The following ART1 variants were observed in gnomAD, a reference collection of about 807,000 sequenced individuals.
ART1 encodes ADP-ribosyltransferase 1.
A neutral mutation model predicts 27.0 loss-of-function variants in ART1; 29 were observed. That is an observed-to-expected ratio of 1.08 (90% confidence interval 0.80 to 1.47). ART1 has a LOEUF of 1.47. ART1 is among the 40% of genes most tolerant of loss of function. The probability of loss-of-function intolerance (pLI) is 0.00; values close to 1 mark genes in which losing one functional copy is unlikely to be tolerated. For missense variants in ART1, 480 were observed against 423.0 expected, an observed-to-expected ratio of 1.13 and a Z score of -1.18; for synonymous variants, 201 against 172.2, an observed-to-expected ratio of 1.17 and a Z score of -1.31.
At chr11:3,658,354 GAGAA>G (rs1214206082) in intron 1 of ART1, among the ~76,000 whole-genome samples, 1 of 150,620 alleles carries the variant, frequency 6.6e-6, no homozygotes, top group Non-Finnish European at 1.5e-5. Context: ...AAAAAAGAGA[GAGAA>G]AGAAAAAAAA....
chr11:3,648,787 GT>G (rs1228736736), intron 1 of ART1, among the ~76,000 whole-genome samples: 2 of 152,226 alleles, frequency 1.3e-5, no homozygotes, highest in South Asian at 2.1e-4. Flanking sequence ...TGGAGGAGGG[GT>G]AAGTACCCCA....
In ART1 at chr11:3,664,174, T is replaced by C. The variant is rs2077643744; in HGVS notation, c.969T>C (p.Gly323=). 1.9e-6 allele frequency: 3 copies of C among 1,613,894 alleles called. No individual in the cohort carries two copies. Among genetic ancestry groups the C allele is most frequent in the East Asian group, 2.2e-5 (1 of 44,870 alleles). The change falls in exon 5 of 5, where the codon GGT becomes GGC. Residue 323 remains glycine, a synonymous_variant. Coordinates refer to ENST00000250693, the MANE Select transcript of ART1 (RefSeq NM_004314.3). ...WFLVVRAFPD[G]PGLL ...TCGTGGTGAGGGCCTTTCCAGATGGTCCAGGCCTCCTTTGATGCATGAGAC... is the reference window on the plus strand; with the variant it reads ...TCGTGGTGAGGGCCTTTCCAGATGGCCCAGGCCTCCTTTGATGCATGAGAC...
rs2077606402 is a variant in ART1, at chr11:3,660,009, C to T, written c.490C>T (p.Leu164Phe). 6.2e-7 allele frequency: 1 copy of T among 1,613,996 alleles called. No individual in the cohort carries two copies. Among genetic ancestry groups the T allele is most frequent in the Admixed American group, 1.7e-5 (1 of 60,032 alleles). The change falls in exon 3 of 5, where the codon CTC becomes TTC. Residue 164 changes from leucine (L) to phenylalanine (F), a missense_variant. Leu to Phe is a conservative substitution (Grantham distance 22, BLOSUM62 0). Coordinates refer to ENST00000250693, the MANE Select transcript of ART1 (RefSeq NM_004314.3). ...TTTCCTGCTGACTGAGGCCCTGCAGCTCCTGGGCAGCGGCCAGCGTCCACC... is the reference window on the plus strand; with the variant it reads ...TTTCCTGCTGACTGAGGCCCTGCAGTTCCTGGGCAGCGGCCAGCGTCCACC... ...LHFLLTEALQLLGSGQRPPRC... is the reference protein window; with the variant it reads ...LHFLLTEALQFLGSGQRPPRC...
At chr11:3,656,490 C>T (rs2077576147) in intron 1 of ART1, among the ~76,000 whole-genome samples, 2 of 152,116 alleles carry the variant, frequency 1.3e-5, no homozygotes, top group African/African-American at 2.4e-5. Context: ...TCAAGCTATT[C>T]TCCTGCCTCA....
At position 3,653,082 on chromosome 11, in the gene ART1, C is replaced by T. The variant is rs1240955304; in HGVS notation, c.-52-6080C>T. 1.3e-5 allele frequency among the ~76,000 whole-genome samples: 2 copies of T among 148,450 alleles called. 1 individual carries two copies. Among genetic ancestry groups the T allele is most frequent in the African/African-American group, 5.2e-5 (2 of 38,448 alleles). ...TCTTCGTTCAGCTTAATCTCTCCCA[C>T]TCGAGGTTCCCACGCTGCCCCTAAT... On this transcript the variant is annotated intron_variant, in intron 1 of 4. Coordinates refer to ENST00000250693, the MANE Select transcript of ART1 (RefSeq NM_004314.3).
chr11:3,650,393 G>C (rs182754242), intron 1 of ART1, among the ~76,000 whole-genome samples: 2 of 152,190 alleles, frequency 1.3e-5, no homozygotes, highest in African/African-American at 4.8e-5. Flanking sequence ...AGATCTTCTC[G>C]GCTTAGCAGC....
chr11:3,658,525 C>T (rs1291411755), intron 1 of ART1, among the ~76,000 whole-genome samples: 2 of 152,120 alleles, frequency 1.3e-5, no homozygotes, highest in Non-Finnish European at 2.9e-5. Flanking sequence ...TTCTCCTGCT[C>T]TTCTGATCCC....
chr11:3,659,883 A>G lies in ART1; in HGVS notation c.364A>G (p.Thr122Ala). The G allele has an allele frequency of 6.2e-7, 1 of 1,612,896 alleles. No homozygotes were observed. The highest frequency in any genetic ancestry group is 1.1e-5 in the South Asian group (1 of 90,926). Residue 122 changes from threonine to alanine, a missense_variant, in exon 3 of 5, where the codon ACA becomes GCA. Coordinates refer to ENST00000250693, the MANE Select transcript of ART1 (RefSeq NM_004314.3). ...DEHGVALLAY[T>A]ANSPLHKEFN... ...GCATGGGGTGGCCCTCCTGGCCTAC[A>G]CAGCCAACAGCCCCCTGCACAAGGA... is the stretch of plus-strand genomic sequence containing the variant.
At chr11:3,661,644 A>C (rs1012264578) in intron 4 of ART1, among the ~76,000 whole-genome samples, 1 of 151,848 alleles carries the variant, frequency 6.6e-6, no homozygotes, top group Non-Finnish European at 1.5e-5. Context: ...TTACAGGCGC[A>C]TGCCACCAAG....
intron 1 of ART1, among the ~76,000 whole-genome samples, chr11:3,645,591 G>A (rs1487853494): frequency 2.0e-5 from 3 of 152,124 alleles, no homozygotes; most frequent in East Asian, 1.9e-4. Context: ...CACCTGCTCT[G>A]CAGTGGTCTA....
intron 1 of ART1, among the ~76,000 whole-genome samples, chr11:3,646,390 G>C (rs1426091397): frequency 1.3e-5 from 2 of 152,088 alleles, no homozygotes; most frequent in African/African-American, 2.4e-5. Flanking sequence ...AATGTTTGAC[G>C]AATGATTGAC....
chr11:3,649,337 A>C (rs1046379004), intron 1 of ART1, among the ~76,000 whole-genome samples: 2 of 152,194 alleles, frequency 1.3e-5, no homozygotes, highest in Admixed American at 6.5e-5. Flanking sequence ...CGGCACTTTC[A>C]ATTTTTCCAT....
intron 4 of ART1, among the ~76,000 whole-genome samples, chr11:3,663,081 CTCATCTCA>C (rs773205959): frequency 2.8e-4 from 26 of 93,010 alleles, no homozygotes; most frequent in African/African-American, 7.0e-4. Context: ...ATCTCATCAT[CTCATCTCA>C]TCATCTCATC....
chr11:3,653,765 C>A (rs1020102943), intron 1 of ART1, among the ~76,000 whole-genome samples: 9 of 151,864 alleles, frequency 5.9e-5, no homozygotes, highest in African/African-American at 9.7e-5. Context: ...CATCAGACAT[C>A]AAGTCTTGTA....
chr11:3,653,216 A>C lies in ART1; in HGVS notation c.-52-5946A>C, dbSNP rs1385522527. On this transcript the variant is annotated intron_variant, in intron 1 of 4. Coordinates refer to ENST00000250693, the MANE Select transcript of ART1 (RefSeq NM_004314.3). ...TCATTTTATTTTTCTTATTAATATAAGAAGACAGGAATGTCAGGCCTCTGA... is the reference window on the plus strand; with the variant it reads ...TCATTTTATTTTTCTTATTAATATACGAAGACAGGAATGTCAGGCCTCTGA... 1.3e-5 allele frequency among the ~76,000 whole-genome samples: 2 copies of C among 148,828 alleles called. 1 individual carries two copies. Among genetic ancestry groups the C allele is most frequent in the South Asian group, 4.3e-4 (2 of 4,612 alleles).
At chr11:3,655,318 G>A (rs1198054752) in intron 1 of ART1, among the ~76,000 whole-genome samples, 4 of 116,514 alleles carry the variant, frequency 3.4e-5, no homozygotes, top group South Asian at 4.9e-4. Context: ...GTCAGGGAGC[G>A]GCAAAGTCAG....
chr11:3,656,405 C>T (rs532394074), intron 1 of ART1, among the ~76,000 whole-genome samples: 22 of 151,122 alleles, frequency 1.5e-4, no homozygotes, highest in East Asian at 3.9e-4. Context: ...ATTTTTGAGA[C>T]GGAGTCTCGC....
intron 1 of ART1, among the ~76,000 whole-genome samples, chr11:3,653,237 T>G (rs1161661526): frequency 1.3e-5 from 2 of 148,698 alleles, no homozygotes; most frequent in East Asian, 3.9e-4. Flanking sequence ...ATGTCAGGCC[T>G]CTGAGCCGAA....
intron 1 of ART1, among the ~76,000 whole-genome samples, chr11:3,653,921 G>C (rs1270208967): frequency 1.4e-4 from 4 of 28,842 alleles, no homozygotes; most frequent in Admixed American, 2.3e-4. Context: ...TCCTACCTCT[G>C]TCTATCCTCA....
Sources: gnomAD v4.1 joint callset for allele counts (sites outside exome capture counted in the v4.1 genomes callset) on GRCh38, gnomAD v4.1.1 for gene constraint, MANE v1.5 for transcripts, NCBI Gene and HGNC (gene_info 2026-07-23, HGNC 2026-07-21) for gene names.